KIF6: variants seen among roughly 807,000 people sequenced by gnomAD.
KIF6 encodes the protein kinesin family member 6.
Under a neutral mutation model 112.7 loss-of-function variants are expected in KIF6, and 106 were observed. The ratio of observed to expected loss-of-function variants is 0.94; its 90% CI spans 0.80 to 1.11. KIF6 has a LOEUF of 1.11. Among genes scored for constraint, KIF6 ranks in the 50% least tolerant of loss-of-function variants. The pLI, the probability that KIF6 is intolerant of heterozygous loss-of-function variation, is 0.00. For missense variants in KIF6, 929 were observed against 964.0 expected, an observed-to-expected ratio of 0.96 and a Z score of 0.48; for synonymous variants, 339 against 339.9, an observed-to-expected ratio of 1.00 and a Z score of 0.03.
chr6:39,677,677 C>T, intron 3 of KIF6, among the ~76,000 whole-genome samples: 1 of 102,484 alleles, frequency 9.8e-6, no homozygotes, highest in African/African-American at 4.0e-5. Flanking sequence ...TGCTATCCCT[C>T]CCCCCTCCCC....
intron 3 of KIF6, among the ~76,000 whole-genome samples, chr6:39,659,616 G>A (rs1352480708): frequency 6.6e-6 from 1 of 152,128 alleles, no homozygotes; most frequent in East Asian, 1.9e-4. Flanking sequence ...CAGTGAATGA[G>A]TTCTCATAAG....
intron 10 of KIF6, among the ~76,000 whole-genome samples, chr6:39,575,461 T>A (rs960358307): frequency 1.3e-5 from 2 of 151,844 alleles, no homozygotes; most frequent in Non-Finnish European, 2.9e-5. Context: ...TTAGTAGAGA[T>A]GGGTTTCACC....
intron 13 of KIF6, among the ~76,000 whole-genome samples, chr6:39,466,677 A>G (rs1773805841): frequency 6.6e-6 from 1 of 151,890 alleles, no homozygotes; most frequent in African/African-American, 2.4e-5. Flanking sequence ...GTCTAAGGTT[A>G]TGGTATCTCC....
rs1312540518 is a variant in KIF6, at chr6:39,330,930, T to A, written c.*5602A>T. On this transcript the variant is annotated 3_prime_UTR_variant, in exon 23 of 23. Transcript: ENST00000287152. Reference sequence around the variant, plus strand: ...CTGCTCTGCCTCGGAGCCCTGGCAGTCCCTGGACACGTGTTATGGAAGGAA... The same window carrying A: ...CTGCTCTGCCTCGGAGCCCTGGCAGACCCTGGACACGTGTTATGGAAGGAA... 1.3e-5 allele frequency: 2 copies of A among 152,342 alleles called. No individual in the cohort carries two copies. The highest frequency in any genetic ancestry group is 2.4e-5 in the African/African-American group (1 of 41,436). 9.4% of individuals were successfully genotyped at this position (152,342 alleles called of 1,614,324 possible).
chr6:39,534,953 A>G (rs1158553811), intron 13 of KIF6, among the ~76,000 whole-genome samples: 2 of 152,208 alleles, frequency 1.3e-5, no homozygotes, highest in African/African-American at 4.8e-5. Context: ...TTTCATATCC[A>G]GCCAAACTAA....
chr6:39,609,443 A>G (rs1783084723), intron 6 of KIF6, among the ~76,000 whole-genome samples: 1 of 152,026 alleles, frequency 6.6e-6, no homozygotes, highest in African/African-American at 2.4e-5. Flanking sequence ...ATAAGAAATT[A>G]TATGCTAGAC....
rs1157114535 is a variant in KIF6 at position 39,335,729 on chromosome 6, C to A, written c.*803G>T. On this transcript the variant is annotated 3_prime_UTR_variant, in exon 23 of 23. Transcript: ENST00000287152. The stretch of plus-strand genomic sequence containing the variant: ...CCATGGAGACAAGACCCCCAGGCAG[C>A]TATGTTTTTCCCTGTGGAAGTGGGG... 1 of 152,324 alleles carries A rather than the reference C, an allele frequency of 6.6e-6. No individual in the cohort carries two copies. Among genetic ancestry groups the A allele is most frequent in the East Asian group, 1.9e-4 (1 of 5,184 alleles). 9.4% of individuals were successfully genotyped at this position (152,324 alleles called of 1,614,324 possible).
chr6:39,387,997 G>A (rs758241246), intron 15 of KIF6, among the ~76,000 whole-genome samples: 57 of 152,088 alleles, frequency 3.7e-4, no homozygotes, highest in Non-Finnish European at 6.0e-4. Flanking sequence ...CTTATACCAC[G>A]AGCCTCTCAT....
At chr6:39,585,338 G>A (rs1274283171) in intron 8 of KIF6, among the ~76,000 whole-genome samples, 1 of 152,148 alleles carries the variant, frequency 6.6e-6, no homozygotes, top group Non-Finnish European at 1.5e-5. Context: ...TTGGGTTCAC[G>A]CTCTTATGAG....
At chr6:39,623,558 T>C (rs1298036765) in intron 5 of KIF6, among the ~76,000 whole-genome samples, 1 of 152,242 alleles carries the variant, frequency 6.6e-6, no homozygotes, top group Admixed American at 6.5e-5. Flanking sequence ...ATTATTTTTC[T>C]AAATGGATTA....
intron 10 of KIF6, among the ~76,000 whole-genome samples, chr6:39,555,379 C>A (rs1244776211): frequency 6.6e-6 from 1 of 152,108 alleles, no homozygotes; most frequent in Non-Finnish European, 1.5e-5. Flanking sequence ...GCCAGCATCA[C>A]CCCAGTGTCT....
chr6:39,435,359 C>T (rs1199007976), intron 13 of KIF6, among the ~76,000 whole-genome samples: 4 of 152,096 alleles, frequency 2.6e-5, no homozygotes, highest in Non-Finnish European at 5.9e-5. Flanking sequence ...TTGTAAGCTC[C>T]ATGAGGGCAG....
chr6:39,511,991 G>A (rs1776813854), intron 13 of KIF6, among the ~76,000 whole-genome samples: 1 of 152,180 alleles, frequency 6.6e-6, no homozygotes, highest in Non-Finnish European at 1.5e-5. Flanking sequence ...AATACCTAAT[G>A]TAAATCATGA....
intron 3 of KIF6, among the ~76,000 whole-genome samples, chr6:39,687,352 G>A (rs540860769): frequency 2.0e-4 from 31 of 152,062 alleles, no homozygotes; most frequent in Non-Finnish European, 4.1e-4. Flanking sequence ...GCCCAACATC[G>A]GGCTCTTAAG....
At chr6:39,612,822 T>C (rs992677914) in intron 6 of KIF6, among the ~76,000 whole-genome samples, 19 of 152,200 alleles carry the variant, frequency 1.2e-4, no homozygotes, top group Non-Finnish European at 2.8e-4. Context: ...TTTTAGAAAA[T>C]ATGCAAAACT....
At chr6:39,683,922 C>T (rs777460481) in intron 3 of KIF6, among the ~76,000 whole-genome samples, 8 of 152,174 alleles carry the variant, frequency 5.3e-5, no homozygotes, top group Admixed American at 1.3e-4. Flanking sequence ...GGATTAGATA[C>T]GAAGAGCTCA....
intron 3 of KIF6, among the ~76,000 whole-genome samples, chr6:39,655,891 C>A (rs1785753849): frequency 6.6e-6 from 1 of 152,142 alleles, no homozygotes; most frequent in Admixed American, 6.5e-5. Flanking sequence ...CCAAAATTAT[C>A]TTGACTATTC....
chr6:39,465,587 G>A (rs1773736835), intron 13 of KIF6, among the ~76,000 whole-genome samples: 1 of 152,246 alleles, frequency 6.6e-6, no homozygotes, highest in East Asian at 1.9e-4. Flanking sequence ...ACTTTAGTCT[G>A]TCTTCCTATG....
At chr6:39,504,077 T>C (rs6930561) in intron 13 of KIF6, among the ~76,000 whole-genome samples, 150,444 of 152,216 alleles carry the variant, frequency 0.99, 74,356 homozygotes, top group Middle Eastern at 1. Flanking sequence ...AGGCCAATAT[T>C]CTTGATGAAC....
Sources: gnomAD v4.1 joint callset for allele counts (sites outside exome capture counted in the v4.1 genomes callset) on GRCh38, gnomAD v4.1.1 for gene constraint, MANE v1.5 for transcripts, NCBI Gene and HGNC (gene_info 2026-07-23, HGNC 2026-07-21) for gene names.